APBB2: variants seen among roughly 807,000 people sequenced by gnomAD.
APBB2 encodes Fe65-like 1.
APBB2 carries 38 observed loss-of-function variants against 82.5 expected under a neutral mutation model. The ratio of observed to expected loss-of-function variants is 0.46; its 90% CI spans 0.36 to 0.60. APBB2 has a LOEUF of 0.60. Ranked by LOEUF, APBB2 falls within the 20% of genes least tolerant of loss-of-function variation. APBB2 has a pLI of 0.00. For synonymous variants in APBB2, 341 were observed against 368.2 expected (o/e 0.93, Z 0.85); for missense variants, 772 against 972.3 (o/e 0.79, Z 2.74).
chr4:40,903,298 TAA>T (rs33976536), intron 10 of APBB2, among the ~76,000 whole-genome samples: 38,142 of 148,360 alleles, frequency 0.26, 5,547 homozygotes, highest in East Asian at 0.55. Context: ...CCAACTCTAC[TAA>T]AAAAAAAAAT....
intron 2 of APBB2, among the ~76,000 whole-genome samples, chr4:41,110,580 G>C (rs1315424164): frequency 1.3e-5 from 2 of 149,170 alleles, no homozygotes; most frequent in Non-Finnish European, 3.0e-5. Flanking sequence ...TCCAGCCTGG[G>C]CATCAGAGTT....
intron 2 of APBB2, chr4:41,138,243 T>G (rs1051263222): frequency 1.3e-5 from 2 of 152,122 alleles, no homozygotes; most frequent in African/African-American, 4.8e-5. Context: ...CAAAGAGTTT[T>G]TAGAAACATC....
At chr4:40,989,750 G>T (rs762327267) in intron 6 of APBB2, among the ~76,000 whole-genome samples, 1 of 152,158 alleles carries the variant, frequency 6.6e-6, no homozygotes, top group South Asian at 2.1e-4. Flanking sequence ...TGTGTCATCC[G>T]AGCCTCGTCG....
At chr4:41,198,748 G>A (rs554462450) in intron 1 of APBB2, among the ~76,000 whole-genome samples, 2 of 152,310 alleles carry the variant, frequency 1.3e-5, no homozygotes, top group Admixed American at 1.3e-4. Context: ...AAATCAAGGT[G>A]TTGGCAGAGC....
At chr4:41,209,529 A>G (rs1778808316) in intron 1 of APBB2, among the ~76,000 whole-genome samples, 1 of 152,186 alleles carries the variant, frequency 6.6e-6, no homozygotes, top group African/African-American at 2.4e-5. Flanking sequence ...GCGAGGAGAC[A>G]AAGGCTGGGA....
At chr4:41,052,463 C>T (rs1260223818) in intron 4 of APBB2, among the ~76,000 whole-genome samples, 1 of 152,142 alleles carries the variant, frequency 6.6e-6, no homozygotes, top group Non-Finnish European at 1.5e-5. Flanking sequence ...GCCTGGGATG[C>T]CGTGTCATAT....
chr4:40,904,851 G>A (rs1337378712), intron 10 of APBB2, among the ~76,000 whole-genome samples: 1 of 151,968 alleles, frequency 6.6e-6, no homozygotes, highest in Non-Finnish European at 1.5e-5. Context: ...CAGAGACCAC[G>A]GTGGCCAGGG....
intron 12 of APBB2, among the ~76,000 whole-genome samples, chr4:40,885,411 A>G (rs73148570): frequency 0.036 from 5,477 of 152,284 alleles, 259 homozygotes; most frequent in African/African-American, 0.11. Context: ...GTAGCCCCAT[A>G]GTACTCGGCC....
chr4:41,117,082 C>T (rs1436620084), intron 2 of APBB2, among the ~76,000 whole-genome samples: 3 of 151,978 alleles, frequency 2.0e-5, no homozygotes, highest in Non-Finnish European at 4.4e-5. Flanking sequence ...ACCCCCCATC[C>T]CAACTTTAGG....
chr4:40,874,508 G>A (rs1216726507), intron 12 of APBB2, among the ~76,000 whole-genome samples: 4 of 152,126 alleles, frequency 2.6e-5, no homozygotes, highest in South Asian at 2.1e-4. Flanking sequence ...CACAGGAGGC[G>A]GGGGCAGGGC....
chr4:40,953,825 C>T (rs1270844298), intron 6 of APBB2, among the ~76,000 whole-genome samples: 2 of 152,174 alleles, frequency 1.3e-5, no homozygotes, highest in Admixed American at 1.3e-4. Flanking sequence ...TGAAAGCCAT[C>T]GGTGTCCTTT....
chr4:41,177,146 A>G (rs1770043342), intron 1 of APBB2, among the ~76,000 whole-genome samples: 1 of 152,220 alleles, frequency 6.6e-6, no homozygotes, highest in Admixed American at 6.5e-5. Context: ...CTGTGAATTC[A>G]GAGGGTCAGT....
chr4:41,164,226 G>A (rs770157964), intron 1 of APBB2, among the ~76,000 whole-genome samples: 4 of 152,102 alleles, frequency 2.6e-5, no homozygotes, highest in Non-Finnish European at 4.4e-5. Flanking sequence ...ACCACAACCC[G>A]TCACATGAGG....
chr4:41,019,876 CAG>C (rs1020842044), intron 5 of APBB2, among the ~76,000 whole-genome samples: 5 of 151,400 alleles, frequency 3.3e-5, no homozygotes, highest in Non-Finnish European at 5.9e-5. Context: ...GACAAGGAGA[CAG>C]AAAGTCAGAG....
intron 4 of APBB2, among the ~76,000 whole-genome samples, chr4:41,050,721 G>A (rs1422372379): frequency 1.3e-5 from 2 of 152,142 alleles, no homozygotes; most frequent in Non-Finnish European, 2.9e-5. Context: ...AGGAATGGAA[G>A]GAGAAGAGGA....
At position 40,815,036 on chromosome 4, in the gene APBB2, GA is replaced by G. The variant is rs888117394; in HGVS notation, c.*1055del. On this transcript the variant is annotated 3_prime_UTR_variant, in exon 18 of 18. Transcript: ENST00000508593. ...ACAGCTTTCTGGGCAAAAAGCATCA[GA>G]GGGGGATAGAGCTGGATGCAGAATT... The G allele has an allele frequency of 9.8e-5, 15 of 152,664 alleles. No homozygotes were observed. The highest frequency in any genetic ancestry group is 3.6e-4 in the African/African-American group (15 of 41,582). 9.5% of individuals were successfully genotyped at this position (152,664 alleles called of 1,614,324 possible).
chr4:40,909,917 G>T (rs777148099), intron 10 of APBB2, among the ~76,000 whole-genome samples: 1 of 152,152 alleles, frequency 6.6e-6, no homozygotes, highest in Non-Finnish European at 1.5e-5. Flanking sequence ...TACAAAGTAG[G>T]TGCTGTATTT....
chr4:40,852,766 T>A (rs1759896031), intron 12 of APBB2, among the ~76,000 whole-genome samples: 1 of 151,882 alleles, frequency 6.6e-6, no homozygotes, highest in African/African-American at 2.4e-5. Flanking sequence ...TCAGCCTCCC[T>A]AGTAGCTGGA....
chr4:40,939,908 T>C (rs4631085), intron 7 of APBB2, among the ~76,000 whole-genome samples: 34,500 of 152,044 alleles, frequency 0.23, 4,623 homozygotes, highest in East Asian at 0.52. Flanking sequence ...TGCAATTAAA[T>C]CAGTCTCTGT....
Sources: allele counts gnomAD v4.1 joint callset (sites outside exome capture counted in the v4.1 genomes callset), GRCh38; gene constraint gnomAD v4.1.1; transcripts MANE v1.5; gene names NCBI Gene and HGNC (gene_info 2026-07-23, HGNC 2026-07-21).